KSR2: variants seen among roughly 807,000 people sequenced by gnomAD.
KSR2 encodes kinase suppressor of ras 2.
In KSR2, 25 loss-of-function variants were observed where a neutral mutation model predicts 107.8. The observed-to-expected ratio is 0.23, with a 90% CI of 0.17 to 0.32. The LOEUF is 0.32. Among genes scored for constraint, KSR2 ranks in the 10% least tolerant of loss-of-function variants. The pLI is 1.00. For synonymous variants in KSR2, 480 were observed against 507.0 expected (o/e 0.95, Z 0.71); for missense variants, 887 against 1,268.9 (o/e 0.70, Z 4.57).
At chr12:117,481,838 G>T (rs1400155588) in intron 16 of KSR2, among the ~76,000 whole-genome samples, 1 of 152,116 alleles carries the variant, frequency 6.6e-6, no homozygotes, top group African/African-American at 2.4e-5. Flanking sequence ...CTTATTCAAG[G>T]GGTGTCTCCT....
At chr12:117,821,251 A>C (rs938406703) in intron 3 of KSR2, among the ~76,000 whole-genome samples, 7 of 152,204 alleles carry the variant, frequency 4.6e-5, no homozygotes, top group African/African-American at 1.7e-4. Context: ...AGTTGATCCT[A>C]GAACAACACA....
intron 3 of KSR2, among the ~76,000 whole-genome samples, chr12:117,808,543 G>T (rs545513048): frequency 6.6e-6 from 1 of 152,314 alleles, no homozygotes; most frequent in Admixed American, 6.5e-5. Flanking sequence ...CTTTGGAAAA[G>T]GTTTAGCCCA....
intron 4 of KSR2, among the ~76,000 whole-genome samples, chr12:117,709,723 C>T (rs1483669043): frequency 6.6e-6 from 1 of 152,196 alleles, no homozygotes; most frequent in African/African-American, 2.4e-5. Flanking sequence ...TCAGCCTCAG[C>T]ACTGTTGACA....
In KSR2 at chr12:117,731,385, C is replaced by T. The variant is rs564726968; in HGVS notation, c.986+29626G>A. Among the ~76,000 whole-genome samples the T allele has an allele frequency of 5.6e-4, 82 of 146,364 alleles. 1 individual carries two copies. The highest frequency in any genetic ancestry group is 1.0e-3 in the Non-Finnish European group (67 of 66,608). ...CTGTCTGGGAAGTGAGGAGCGTCTC[C>T]GCCCAGCAGCCGCCCCGTCCGGGAG... On this transcript the variant is annotated intron_variant, in intron 4 of 19. Coordinates refer to ENST00000339824, the MANE Select transcript of KSR2 (RefSeq NM_173598.6).
intron 14 of KSR2, among the ~76,000 whole-genome samples, chr12:117,517,040 C>G (rs112343853): frequency 2.1e-4 from 32 of 152,202 alleles, no homozygotes; most frequent in African/African-American, 7.2e-4. Context: ...ATAGGATGTT[C>G]CATGCCCCTT....
intron 4 of KSR2, among the ~76,000 whole-genome samples, chr12:117,740,571 C>CATATGTT (rs1888163846): frequency 2.7e-5 from 3 of 109,386 alleles, no homozygotes; most frequent in Non-Finnish European, 3.7e-5. Context: ...GAATATATAA[C>CATATGTT]ATATATTATA....
chr12:117,875,143 A>T (rs1817419619), intron 1 of KSR2, among the ~76,000 whole-genome samples: 1 of 152,122 alleles, frequency 6.6e-6, no homozygotes, highest in Non-Finnish European at 1.5e-5. Flanking sequence ...TAGCAGCATA[A>T]ACAACAACAA....
At chr12:117,805,192 A>G (rs1047805303) in intron 3 of KSR2, among the ~76,000 whole-genome samples, 1 of 152,190 alleles carries the variant, frequency 6.6e-6, no homozygotes, top group African/African-American at 2.4e-5. Flanking sequence ...AGCTCTTTTA[A>G]TTTGGGAGAA....
chr12:117,508,548 G>T (rs1873840497), intron 14 of KSR2, among the ~76,000 whole-genome samples: 1 of 152,044 alleles, frequency 6.6e-6, no homozygotes, highest in African/African-American at 2.4e-5. Flanking sequence ...AGATGGGTGG[G>T]TAGGTAGGTG....
At chr12:117,467,354 T>TA (rs1190613004) in intron 19 of KSR2, 149 bp from the exon 20 acceptor site, 1 of 510,732 alleles carries the variant, frequency 2.0e-6, no homozygotes, top group Non-Finnish European at 3.6e-6. Context: ...AGATTTCTGT[T>TA]AACTGAGTTC....
chr12:117,493,001 C>G (rs796907797), intron 14 of KSR2, among the ~76,000 whole-genome samples: 8 of 152,272 alleles, frequency 5.3e-5, no homozygotes, highest in African/African-American at 1.9e-4. Flanking sequence ...CTTTGGACTT[C>G]TGACTTTCAG....
chr12:117,705,713 G>T (rs141665578), intron 4 of KSR2, among the ~76,000 whole-genome samples: 1 of 152,198 alleles, frequency 6.6e-6, no homozygotes, highest in Admixed American at 6.5e-5. Context: ...GGGCCATAAC[G>T]AAGCACTTAG....
At position 117,465,774 on chromosome 12, in the gene KSR2, C is replaced by T. The variant is rs1470052086; in HGVS notation, c.*1425G>A. 1 of 105,112 alleles carries T rather than the reference C, an allele frequency of 9.5e-6. No homozygotes were observed. Among genetic ancestry groups the T allele is most frequent in the Non-Finnish European group, 2.3e-5 (1 of 43,900 alleles). The allele number at this position is 105,112 out of a possible 1,614,324, so 6.5% of individuals were successfully genotyped here. ...CCTGTTCACTGCCCAGATAATCCTG[C>T]TATTGCTCTGCTTGGGGACAGATTT... On this transcript the variant is annotated 3_prime_UTR_variant, in exon 20 of 20. Transcript: ENST00000339824.
At chr12:117,691,804 G>C (rs1055353865) in intron 4 of KSR2, among the ~76,000 whole-genome samples, 1 of 152,232 alleles carries the variant, frequency 6.6e-6, no homozygotes, top group East Asian at 1.9e-4. Context: ...CTAGGAAGAA[G>C]TGTTCATGTC....
At position 117,943,520 on chromosome 12, in the gene KSR2, A is replaced by C. The variant is rs550296613; in HGVS notation, c.180+24556T>G. On this transcript the variant is annotated intron_variant, in intron 1 of 19. Coordinates refer to ENST00000339824, the MANE Select transcript of KSR2 (RefSeq NM_173598.6). ...CTAGCCAAAAAAAAAAAAAAAAAAA[A>C]AAAAAAACCTCATAGCAGAATTATT... Among the ~76,000 whole-genome samples, 1,378 of 149,028 alleles carry C rather than the reference A, an allele frequency of 9.2e-3. 29 individuals carry two copies. Among genetic ancestry groups the C allele is most frequent in the African/African-American group, 0.031 (1,253 of 40,764 alleles).
chr12:117,568,481 C>A (rs550264989), intron 7 of KSR2, among the ~76,000 whole-genome samples: 1 of 152,036 alleles, frequency 6.6e-6, no homozygotes, highest in Non-Finnish European at 1.5e-5. Context: ...CCGTGTAAAG[C>A]GGTTAAAAGT....
intron 5 of KSR2, among the ~76,000 whole-genome samples, chr12:117,618,427 T>C (rs981550502): frequency 6.6e-6 from 1 of 152,074 alleles, no homozygotes; most frequent in African/African-American, 2.4e-5. Flanking sequence ...ATTTTGGAAT[T>C]AGCAAGTATC....
chr12:117,737,511 G>T (rs902472222), intron 4 of KSR2, among the ~76,000 whole-genome samples: 2 of 152,026 alleles, frequency 1.3e-5, no homozygotes, highest in African/African-American at 4.8e-5. Context: ...GGCCAGGTGC[G>T]GTGGCTCGTG....
chr12:117,714,332 G>T (rs925564983), intron 4 of KSR2, among the ~76,000 whole-genome samples: 6 of 151,992 alleles, frequency 3.9e-5, no homozygotes, highest in African/African-American at 1.5e-4. Context: ...CTGAGGAAAG[G>T]CAAGAAAAAA....
Sources: gnomAD v4.1 joint callset for allele counts (sites outside exome capture counted in the v4.1 genomes callset) on GRCh38, gnomAD v4.1.1 for gene constraint, MANE v1.5 for transcripts, NCBI Gene and HGNC (gene_info 2026-07-23, HGNC 2026-07-21) for gene names.